The following ATXN1 variants were observed in gnomAD, a reference collection of about 807,000 sequenced individuals.
ATXN1 encodes the protein ataxin-1.
A neutral mutation model predicts 56.4 loss-of-function variants in ATXN1; 8 were observed. The ratio of observed to expected loss-of-function variants is 0.14; its 90% CI spans 0.08 to 0.26. The LOEUF (loss-of-function observed/expected upper bound fraction) is 0.26, where lower values mean the gene tolerates loss of function less well. ATXN1 is among the 10% of genes least tolerant of loss of function. The probability of loss-of-function intolerance (pLI) is 1.00; values close to 1 mark genes in which losing one functional copy is unlikely to be tolerated. For missense variants in ATXN1, 987 were observed against 1,106.5 expected (o/e 0.89, Z 1.53); for synonymous variants, 514 against 494.6 (o/e 1.04, Z -0.52).
intron 3 of ATXN1, among the ~76,000 whole-genome samples, chr6:16,619,882 GAAAAAAAAAAAGAA>G (rs1326110882): frequency 2.3e-5 from 3 of 131,332 alleles, no homozygotes; most frequent in Non-Finnish European, 4.9e-5. Flanking sequence ...GTCTCTAAGG[GAAAAAAAAAAAGAA>G]AAAAAAAAAA....
chr6:16,616,875 C>T (rs1044204510), intron 3 of ATXN1, among the ~76,000 whole-genome samples: 23 of 150,982 alleles, frequency 1.5e-4, no homozygotes, highest in Non-Finnish European at 2.9e-4. Context: ...TGAAAATAGG[C>T]GAGTACAGTA....
At chr6:16,348,511 C>G (rs1485310914) in intron 6 of ATXN1, among the ~76,000 whole-genome samples, 4 of 151,904 alleles carry the variant, frequency 2.6e-5, no homozygotes, top group African/African-American at 9.7e-5. Flanking sequence ...CCAGCCTGGT[C>G]AATGTGGCAA....
At chr6:16,311,267 TA>T (rs1200992420) in intron 7 of ATXN1, among the ~76,000 whole-genome samples, 1 of 152,252 alleles carries the variant, frequency 6.6e-6, no homozygotes, top group African/African-American at 2.4e-5. Flanking sequence ...GTCACTTGCC[TA>T]ATGTCATAGC....
intron 3 of ATXN1, among the ~76,000 whole-genome samples, chr6:16,621,308 G>A (rs758135382): frequency 2.0e-5 from 3 of 152,188 alleles, no homozygotes; most frequent in Non-Finnish European, 4.4e-5. Flanking sequence ...ACACGGCAAG[G>A]GCGTTAGCTG....
chr6:16,742,417 C>T (rs1760370570), intron 2 of ATXN1, among the ~76,000 whole-genome samples: 1 of 152,178 alleles, frequency 6.6e-6, no homozygotes, highest in South Asian at 2.1e-4. Context: ...CAAAATTCAT[C>T]CAGAGTCATT....
chr6:16,347,495 C>T (rs1432137995), intron 6 of ATXN1, among the ~76,000 whole-genome samples: 3 of 149,286 alleles, frequency 2.0e-5, no homozygotes, highest in Non-Finnish European at 4.4e-5. Flanking sequence ...TTATGTCTAG[C>T]TAAGGGATTG....
intron 2 of ATXN1, among the ~76,000 whole-genome samples, chr6:16,710,304 A>C (rs1351922280): frequency 2.0e-5 from 3 of 152,236 alleles, no homozygotes; most frequent in Non-Finnish European, 2.9e-5. Flanking sequence ...AATTCATTAA[A>C]AAGGCAGAGA....
intron 6 of ATXN1, among the ~76,000 whole-genome samples, chr6:16,339,876 G>A (rs952483674): frequency 1.3e-5 from 2 of 152,146 alleles, no homozygotes; most frequent in East Asian, 3.9e-4. Context: ...TCTGCCTCCT[G>A]GGTTCAAGCG....
chr6:16,366,795 A>AC (rs1398565087), intron 6 of ATXN1, among the ~76,000 whole-genome samples: 2 of 151,410 alleles, frequency 1.3e-5, no homozygotes, highest in Non-Finnish European at 2.9e-5. Flanking sequence ...AAAAAAAAAA[A>AC]GAAAAAGAAA....
At chr6:16,723,683 C>G (rs1233639646) in intron 2 of ATXN1, among the ~76,000 whole-genome samples, 4 of 152,056 alleles carry the variant, frequency 2.6e-5, no homozygotes, top group Admixed American at 2.6e-4. Context: ...ATTTCAACTT[C>G]TAAGTATATA....
intron 6 of ATXN1, among the ~76,000 whole-genome samples, chr6:16,470,484 AC>A (rs1760195981): frequency 6.6e-6 from 1 of 152,224 alleles, no homozygotes; most frequent in African/African-American, 2.4e-5. Context: ...TGTGTACTTT[AC>A]TATAATAAAA....
intron 2 of ATXN1, among the ~76,000 whole-genome samples, chr6:16,663,210 C>T (rs1230456150): frequency 6.6e-6 from 1 of 151,972 alleles, no homozygotes; most frequent in South Asian, 2.1e-4. Context: ...CTCAGGTGAT[C>T]CACCCACCTC....
chr6:16,367,364 A>T (rs436356), intron 6 of ATXN1, among the ~76,000 whole-genome samples: 13,753 of 34,894 alleles, frequency 0.39, 1,577 homozygotes, highest in African/African-American at 0.47. Context: ...TCTCTCTCTC[A>T]CACACACACA....
intron 6 of ATXN1, among the ~76,000 whole-genome samples, chr6:16,385,020 G>C (rs1184875371): frequency 6.6e-6 from 1 of 152,194 alleles, no homozygotes; most frequent in Non-Finnish European, 1.5e-5. Flanking sequence ...GGAGGGAAAA[G>C]TTAGGGTGGG....
intron 2 of ATXN1, among the ~76,000 whole-genome samples, chr6:16,692,350 A>G (rs560397833): frequency 2.0e-5 from 3 of 152,354 alleles, no homozygotes; most frequent in Non-Finnish European, 4.4e-5. Context: ...CAGCCATATC[A>G]CAGTCACAAA....
chr6:16,412,835 G>C (rs2113553875), intron 6 of ATXN1, among the ~76,000 whole-genome samples: 1 of 152,338 alleles, frequency 6.6e-6, no homozygotes, highest in East Asian at 1.9e-4. Context: ...GTTTGGCAAT[G>C]GAACAATGGC....
chr6:16,436,267 C>T (rs1047901168), intron 6 of ATXN1, among the ~76,000 whole-genome samples: 1 of 152,116 alleles, frequency 6.6e-6, no homozygotes, highest in African/African-American at 2.4e-5. Flanking sequence ...TGAATAAATG[C>T]TAATTTTATA....
chr6:16,354,719 G>A (rs1489433137), intron 6 of ATXN1, among the ~76,000 whole-genome samples: 3 of 152,192 alleles, frequency 2.0e-5, no homozygotes, highest in Non-Finnish European at 4.4e-5. Context: ...TTAGTTGCTT[G>A]GAGGCAACAA....
intron 6 of ATXN1, among the ~76,000 whole-genome samples, chr6:16,371,716 ATTTATTTTTATTTTTATT>A (rs199939933): frequency 6.6e-6 from 1 of 151,244 alleles, no homozygotes; most frequent in South Asian, 2.1e-4. Flanking sequence ...ATGCCTGGTT[ATTTATTTTTATTTTTATT>A]TTTATTTTTA....
Sources: gnomAD v4.1 joint callset for allele counts (sites outside exome capture counted in the v4.1 genomes callset) on GRCh38, gnomAD v4.1.1 for gene constraint, MANE v1.5 for transcripts, NCBI Gene and HGNC (gene_info 2026-07-23, HGNC 2026-07-21) for gene names.